The following TENM2 variants were observed in gnomAD, a reference collection of about 807,000 sequenced individuals.
TENM2 encodes teneurin transmembrane protein 2, also known as teneurin-2.
In TENM2, 52 loss-of-function variants were observed where a neutral mutation model predicts 245.2. The observed-to-expected ratio is 0.21, with a 90% confidence interval of 0.17 to 0.27. The LOEUF (loss-of-function observed/expected upper bound fraction) is 0.27. TENM2 is among the 10% of genes least tolerant of loss of function. The probability of loss-of-function intolerance (pLI) is 1.00; values close to 1 mark genes in which losing one functional copy is unlikely to be tolerated. For synonymous variants in TENM2, 1,363 were observed against 1,438.9 expected, an observed-to-expected ratio of 0.95 and a Z score of 1.19; for missense variants, 3,046 against 3,666.8, an observed-to-expected ratio of 0.83 and a Z score of 4.37.
In TENM2 at chr5:168,061,971, A is replaced by C. The variant is rs146044213; in HGVS notation, c.1310-89A>C. ...AATCTTAATATTAAAACAACAACAA[A>C]AAAAAACCTGGCATGTAATTAAACA... is the stretch of plus-strand genomic sequence containing the variant. On this transcript the variant is annotated intron_variant, in intron 6 of 28. Coordinates refer to ENST00000518659, the Ensembl canonical transcript of TENM2. 990 of 1,225,924 alleles carry C rather than the reference A, an allele frequency of 8.1e-4. 1 individual carries two copies. In the African/African-American group the frequency reaches 0.012, roughly 14 times the overall value. 75.9% of individuals were successfully genotyped at this position (1,225,924 alleles called of 1,614,324 possible).
At chr5:167,960,040 G>C (rs945999326) in intron 4 of TENM2, among the ~76,000 whole-genome samples, 3 of 152,232 alleles carry the variant, frequency 2.0e-5, no homozygotes, top group Non-Finnish European at 2.9e-5. Context: ...AGACAGCAAA[G>C]ACTGCTGCCT....
chr5:167,808,945 G>C (rs79616101), intron 2 of TENM2, among the ~76,000 whole-genome samples: 2,912 of 152,244 alleles, frequency 0.019, 102 homozygotes, highest in African/African-American at 0.066. Flanking sequence ...TTTTATGTAT[G>C]AATAAGAGAG....
At chr5:168,127,236 G>T (rs1380742699) in intron 12 of TENM2, among the ~76,000 whole-genome samples, 1 of 152,218 alleles carries the variant, frequency 6.6e-6, no homozygotes, top group African/African-American at 2.4e-5. Flanking sequence ...GCACATGCAT[G>T]GGAAACTGTC....
the TENM2 span, among the ~76,000 whole-genome samples, chr5:167,275,430 A>C: frequency 6.6e-6 from 1 of 152,248 alleles, no homozygotes; most frequent in South Asian, 2.1e-4. Flanking sequence ...ATTTCATTCA[A>C]TCTGTATAAC....
chr5:168,238,157 A>AAGAG lies in TENM2; in HGVS notation c.5521-6238_5521-6235dup, dbSNP rs1164402441. 2.0e-3 allele frequency among the ~76,000 whole-genome samples: 139 copies of AAGAG among 69,932 alleles called. 4 individuals are homozygous for AAGAG. Among genetic ancestry groups the AAGAG allele is most frequent in the East Asian group, 9.8e-3 (11 of 1,128 alleles). The allele number at this position is 69,932 out of a possible 152,430, so 45.9% of individuals were successfully genotyped here. A position where few individuals can be genotyped will look rare whatever the true frequency, so the allele number is the denominator to read the frequency against. ...GAGACTCCATCTCAAGAAAGAAAGA[A>AAGAG]AGAGAGAGAGAGAGAGAGAGAGAGA... On this transcript the variant is annotated intron_variant, in intron 25 of 28. Transcript: ENST00000518659.
At chr5:167,515,630 CATAT>C in intron 2 of TENM2, among the ~76,000 whole-genome samples, 1 of 139,458 alleles carries the variant, frequency 7.2e-6, no homozygotes, top group Admixed American at 7.2e-5. Context: ...CATATATATA[CATAT>C]ATATGTATAT....
intron 2 of TENM2, among the ~76,000 whole-genome samples, chr5:167,691,558 A>G (rs1757430352): frequency 6.6e-6 from 1 of 152,172 alleles, no homozygotes; most frequent in African/African-American, 2.4e-5. Flanking sequence ...CCATTTCTCC[A>G]ATCTTATTGT....
intron 25 of TENM2, among the ~76,000 whole-genome samples, chr5:168,231,455 G>GTGTT (rs1213623335): frequency 1.3e-5 from 2 of 152,356 alleles, no homozygotes; most frequent in South Asian, 2.1e-4. Context: ...GGCAGTGGAT[G>GTGTT]TGTTAGAGAG....
chr5:167,195,990 C>A, the TENM2 span, among the ~76,000 whole-genome samples: 2 of 151,924 alleles, frequency 1.3e-5, no homozygotes, highest in African/African-American at 4.8e-5. Context: ...GTTACCATCA[C>A]TCGTTGTTTA....
intron 2 of TENM2, among the ~76,000 whole-genome samples, chr5:167,855,680 A>G (rs1770999977): frequency 9.3e-6 from 1 of 107,618 alleles, no homozygotes; most frequent in Non-Finnish European, 1.8e-5. Flanking sequence ...GAAGGAAGGA[A>G]GGAAGGAGGG....
intron 9 of TENM2, among the ~76,000 whole-genome samples, chr5:168,102,831 A>T (rs957353959): frequency 1.1e-4 from 17 of 152,250 alleles, no homozygotes; most frequent in African/African-American, 4.1e-4. Context: ...TGTGCAAAGT[A>T]CTTAATAGAT....
intron 2 of TENM2, among the ~76,000 whole-genome samples, chr5:167,676,399 C>T (rs1471633395): frequency 1.3e-5 from 2 of 152,042 alleles, no homozygotes; most frequent in African/African-American, 2.4e-5. Flanking sequence ...TAATTGGGAA[C>T]ATACAGTCTG....
intron 2 of TENM2, chr5:167,660,032 A>G (rs1755102137): frequency 6.6e-6 from 1 of 152,166 alleles, no homozygotes; most frequent in African/African-American, 2.4e-5. Context: ...ATCTGAACTC[A>G]TAAGCAAAAA....
At chr5:167,029,659 G>A in the TENM2 span, among the ~76,000 whole-genome samples, 1 of 152,156 alleles carries the variant, frequency 6.6e-6, no homozygotes, top group African/African-American at 2.4e-5. Flanking sequence ...TCCTCATGGG[G>A]CTGTTGCCAG....
chr5:167,466,340 A>T (rs1002294367), intron 2 of TENM2, among the ~76,000 whole-genome samples: 12 of 152,208 alleles, frequency 7.9e-5, no homozygotes, highest in African/African-American at 2.7e-4. Context: ...TTCAAGTTCA[A>T]TTGGGTGTTA....
At chr5:167,215,245 A>G in the TENM2 span, among the ~76,000 whole-genome samples, 1 of 152,220 alleles carries the variant, frequency 6.6e-6, no homozygotes, top group Non-Finnish European at 1.5e-5. Context: ...AAGCTTTTGA[A>G]AAATAATAAT....
the TENM2 span, among the ~76,000 whole-genome samples, chr5:167,225,727 T>A: frequency 6.6e-6 from 1 of 152,072 alleles, no homozygotes; most frequent in Admixed American, 6.6e-5. Flanking sequence ...TTGAATAGTT[T>A]GAGAAGGATT....
chr5:167,067,948 A>T, the TENM2 span, among the ~76,000 whole-genome samples: 9 of 152,206 alleles, frequency 5.9e-5, no homozygotes, highest in Non-Finnish European at 8.8e-5. Context: ...AAAAGCAAAT[A>T]AAATGTGACA....
intron 5 of TENM2, among the ~76,000 whole-genome samples, 192 bp from the exon 8 acceptor site, chr5:168,047,235 C>T (rs1214113957): frequency 6.6e-6 from 1 of 152,152 alleles, no homozygotes; most frequent in African/African-American, 2.4e-5. Context: ...AGCAGCAGCG[C>T]CAGAAGGGGA....
Sources: allele counts gnomAD v4.1 joint callset (sites outside exome capture counted in the v4.1 genomes callset), GRCh38; gene constraint gnomAD v4.1.1; transcripts MANE v1.5; gene names NCBI Gene and HGNC (gene_info 2026-07-23, HGNC 2026-07-21).